The following PRR16 variants were observed in gnomAD, a reference collection of about 807,000 sequenced individuals.
PRR16 encodes proline rich 16, also known as protein Largen.
In PRR16, 6 loss-of-function variants were observed where a neutral mutation model predicts 18.2. The ratio of observed to expected loss-of-function variants is 0.33; its 90% CI spans 0.18 to 0.65. The LOEUF is 0.65. Ranked by LOEUF, PRR16 falls within the 30% of genes least tolerant of loss-of-function variation. PRR16 has a pLI of 0.74. For synonymous variants in PRR16, 151 were observed against 147.8 expected (o/e 1.02, Z -0.16); for missense variants, 412 against 376.6 (o/e 1.09, Z -0.78).
chr5:120,645,383 T>TC (rs375699744), intron 1 of PRR16, among the ~76,000 whole-genome samples: 2,860 of 66,018 alleles, frequency 0.043, 47 homozygotes, highest in Admixed American at 0.079. Context: ...TACCCACCCA[T>TC]CCCCCCCCCA....
intron 1 of PRR16, among the ~76,000 whole-genome samples, chr5:120,475,436 G>A (rs1285486088): frequency 6.6e-6 from 1 of 150,720 alleles, no homozygotes; most frequent in East Asian, 1.9e-4. Flanking sequence ...TCTGCCTTTT[G>A]CTTCCTTATC....
At chr5:120,568,597 T>A (rs1406522696) in intron 1 of PRR16, among the ~76,000 whole-genome samples, 1 of 152,218 alleles carries the variant, frequency 6.6e-6, no homozygotes, top group Non-Finnish European at 1.5e-5. Context: ...AAAATACTGT[T>A]TAATATTTGT....
At chr5:120,541,912 C>T (rs938142342) in intron 1 of PRR16, among the ~76,000 whole-genome samples, 1 of 151,844 alleles carries the variant, frequency 6.6e-6, no homozygotes, top group Non-Finnish European at 1.5e-5. Context: ...GAATTTACCC[C>T]CTTCCTTTCC....
intron 1 of PRR16, among the ~76,000 whole-genome samples, chr5:120,557,733 TTAAA>T (rs554792876): frequency 1.6e-4 from 24 of 151,946 alleles, no homozygotes; most frequent in Non-Finnish European, 3.4e-4. Context: ...TTTCAATCCA[TTAAA>T]TACTTTGAAA....
the PRR16 span, among the ~76,000 whole-genome samples, chr5:120,722,123 T>C: frequency 1.3e-5 from 2 of 152,002 alleles, no homozygotes; most frequent in East Asian, 3.9e-4. Flanking sequence ...AGAATGTGGT[T>C]TGGTTTTCTG....
intron 1 of PRR16, among the ~76,000 whole-genome samples, chr5:120,487,911 G>A (rs550689596): frequency 3.3e-5 from 5 of 152,042 alleles, no homozygotes; most frequent in Admixed American, 6.6e-5. Context: ...ATAATCATGC[G>A]GTTTTTGTCT....
At chr5:120,774,709 A>G in the PRR16 span, among the ~76,000 whole-genome samples, 2 of 152,166 alleles carry the variant, frequency 1.3e-5, no homozygotes, top group Non-Finnish European at 2.9e-5. Context: ...TTTTTAAAAT[A>G]ATACTTTTCT....
chr5:120,729,493 C>T, the PRR16 span, among the ~76,000 whole-genome samples: 1 of 152,108 alleles, frequency 6.6e-6, no homozygotes, highest in Non-Finnish European at 1.5e-5. Flanking sequence ...TATTATGCGG[C>T]CAACATGGCG....
intron 1 of PRR16, among the ~76,000 whole-genome samples, chr5:120,512,753 C>G (rs1198298288): frequency 6.6e-6 from 1 of 151,914 alleles, no homozygotes; most frequent in Non-Finnish European, 1.5e-5. Context: ...TTTGTCTTCA[C>G]CACGCAAAAA....
intron 1 of PRR16, among the ~76,000 whole-genome samples, chr5:120,560,606 G>T (rs1022531591): frequency 4.0e-5 from 6 of 151,880 alleles, no homozygotes; most frequent in Admixed American, 3.9e-4. Context: ...TACATTTGTT[G>T]TGTCTTTTTC....
At chr5:120,762,109 T>C in the PRR16 span, among the ~76,000 whole-genome samples, 1 of 152,294 alleles carries the variant, frequency 6.6e-6, no homozygotes, top group South Asian at 2.1e-4. Flanking sequence ...TTTTCATTCA[T>C]TCGTTGATGG....
At chr5:120,497,744 AATG>A (rs1282257169) in intron 1 of PRR16, among the ~76,000 whole-genome samples, 2 of 151,912 alleles carry the variant, frequency 1.3e-5, no homozygotes, top group Non-Finnish European at 2.9e-5. Context: ...AACATCATAT[AATG>A]ATAACATAGA....
At chr5:120,783,504 G>A in the PRR16 span, among the ~76,000 whole-genome samples, 4 of 151,742 alleles carry the variant, frequency 2.6e-5, no homozygotes, top group African/African-American at 9.7e-5. Flanking sequence ...GTCTACCTAG[G>A]ATGCTTCCCT....
chr5:120,481,871 G>A (rs568525273), intron 1 of PRR16, among the ~76,000 whole-genome samples: 2 of 152,204 alleles, frequency 1.3e-5, no homozygotes, highest in South Asian at 4.1e-4. Context: ...TCCATTACAC[G>A]AGAGAACCAA....
intron 1 of PRR16, among the ~76,000 whole-genome samples, chr5:120,635,335 T>C (rs1414778015): frequency 6.6e-6 from 1 of 152,032 alleles, no homozygotes; most frequent in African/African-American, 2.4e-5. Context: ...AACTACTGAC[T>C]AATATCCCTG....
the PRR16 span, among the ~76,000 whole-genome samples, chr5:120,794,300 A>C: frequency 6.6e-6 from 1 of 152,108 alleles, no homozygotes; most frequent in Non-Finnish European, 1.5e-5. Flanking sequence ...TGTGCTTCAG[A>C]CAGATGTTGT....
intron 1 of PRR16, among the ~76,000 whole-genome samples, chr5:120,615,384 C>CTTTTTTTTTT (rs10717083): frequency 1.7e-5 from 2 of 119,466 alleles, no homozygotes; most frequent in South Asian, 2.7e-4. Context: ...TCTTTCTTTT[C>CTTTTTTTTTT]TTTTTTTTTT....
At chr5:120,562,255 T>A (rs1329580055) in intron 1 of PRR16, among the ~76,000 whole-genome samples, 1 of 152,114 alleles carries the variant, frequency 6.6e-6, no homozygotes, top group Non-Finnish European at 1.5e-5. Flanking sequence ...TTTTTAAATA[T>A]TTTTTTCTTG....
At chr5:120,672,241 T>A (rs1412336811) in intron 1 of PRR16, among the ~76,000 whole-genome samples, 5 of 55,880 alleles carry the variant, frequency 8.9e-5, no homozygotes, top group African/African-American at 7.0e-4. Context: ...GAGGGGTCTG[T>A]GTGTGTGTGT....
Sources: gnomAD v4.1 joint callset for allele counts (sites outside exome capture counted in the v4.1 genomes callset) on GRCh38, gnomAD v4.1.1 for gene constraint, MANE v1.5 for transcripts, NCBI Gene and HGNC (gene_info 2026-07-23, HGNC 2026-07-21) for gene names.